OTOG: variants seen among roughly 807,000 people sequenced by gnomAD.
OTOG encodes otogelin.
OTOG carries 296 observed loss-of-function variants against 313.8 expected under a neutral mutation model. The observed-to-expected ratio is 0.94, with a 90% CI of 0.86 to 1.04. OTOG has a LOEUF of 1.04. OTOG is among the 50% of genes least tolerant of loss of function. OTOG has a pLI of 0.00. For synonymous variants in OTOG, 1,533 were observed against 1,554.9 expected, an observed-to-expected ratio of 0.99 and a Z score of 0.33; for missense variants, 3,948 against 3,840.1, an observed-to-expected ratio of 1.03 and a Z score of -0.74.
At chr11:17,579,831 C>T (rs1387457033) in intron 23 of OTOG, among the ~76,000 whole-genome samples, 12 of 152,146 alleles carry the variant, frequency 7.9e-5, no homozygotes, top group Admixed American at 7.9e-4. Context: ...GTGGAAGGGG[C>T]GCTGGACTGG....
chr11:17,599,609 T>A, intron 30 of OTOG, 62 bp from the exon 31 acceptor site: 1 of 1,533,848 alleles, frequency 6.5e-7, no homozygotes, highest in South Asian at 1.2e-5. Context: ...GAGCCTTGGC[T>A]CTGTCTGTCT....
intron 53 of OTOG, 22 bp downstream of exon 53, chr11:17,642,268 G>A (rs770626957): frequency 6.5e-7 from 1 of 1,540,910 alleles, no homozygotes; most frequent in Non-Finnish European, 8.8e-7. Flanking sequence ...CTTCTCCACT[G>A]AGGCTGTAGG....
rs1041280806 is a variant in OTOG, at chr11:17,634,836, G to C, written c.7481-8G>C. The stretch of plus-strand genomic sequence containing the variant: ...CGAGGTGACAGGCCCTGTGGTCCCC[G>C]GGGCCAGTGTGTAACCAGACTCTGT... On this transcript the variant is annotated splice_region_variant and splice_polypyrimidine_tract_variant and intron_variant, in intron 44 of 55. Transcript: ENST00000399397. 1.3e-6 allele frequency: 2 copies of C among 1,547,180 alleles called. No homozygotes were observed. The highest frequency in any genetic ancestry group is 1.2e-5 in the South Asian group (1 of 83,894).
In OTOG at chr11:17,569,234, G is replaced by C. The variant is rs1266983964; in HGVS notation, c.1723G>C (p.Ala575Pro). ...DPRRQVTLTQ[A>P]GDVLLFDQYK... is the part of the protein sequence containing the mutation. ...TCGGAGGCAGGTGACCCTGACCCAG[G>C]CAGGGGATGTCCTTCTGTTTGACCA... The change falls in exon 16 of 56, where the codon GCA (alanine) becomes CCA (proline). Residue 575 changes from alanine to proline, a missense_variant. Coordinates refer to ENST00000399397, the MANE Select transcript of OTOG (RefSeq NM_001292063.2). The C allele has an allele frequency of 6.4e-7, 1 of 1,550,576 alleles. No homozygotes were observed. Among genetic ancestry groups the C allele is most frequent in the Admixed American group, 2.0e-5 (1 of 51,002 alleles).
chr11:17,550,809 C>G (rs150138622), intron 3 of OTOG, among the ~76,000 whole-genome samples: 4 of 152,104 alleles, frequency 2.6e-5, no homozygotes, highest in African/African-American at 9.7e-5. Flanking sequence ...AAGGATTGCT[C>G]GGGAGAACCC....
Position 17,548,632 on chromosome 11 carries a change from G to T in OTOG, c.216+420G>T, listed in dbSNP as rs1851864247. 2.0e-5 allele frequency among the ~76,000 whole-genome samples: 3 copies of T among 151,924 alleles called. No individual in the cohort carries two copies. In the South Asian group the frequency reaches 6.3e-4, roughly 32 times the overall value. ...ATACCCTGAGCGGAGCCTCAAGAATGCAGGCAAGACAAAAACTAGGCCACC... is the reference window on the plus strand; with the variant it reads ...ATACCCTGAGCGGAGCCTCAAGAATTCAGGCAAGACAAAAACTAGGCCACC... On this transcript the variant is annotated intron_variant, in intron 3 of 55. Coordinates refer to ENST00000399397, the MANE Select transcript of OTOG (RefSeq NM_001292063.2).
At chr11:17,557,586 T>A (rs927847634) in intron 8 of OTOG, among the ~76,000 whole-genome samples, 4 of 152,094 alleles carry the variant, frequency 2.6e-5, no homozygotes, top group African/African-American at 9.7e-5. Flanking sequence ...TAATAGACAC[T>A]TTGCAGGTGG....
Position 17,547,314 on chromosome 11 carries a change from G to A in OTOG, c.-59G>A, listed in dbSNP as rs1463318249. Reference sequence around the variant, plus strand: ...TGGAGGTGTGACCCTGCCTTAGCCCGGGGAGGCACCTCGGGAGGCTGGCCC... The same window carrying A: ...TGGAGGTGTGACCCTGCCTTAGCCCAGGGAGGCACCTCGGGAGGCTGGCCC... On this transcript the variant is annotated 5_prime_UTR_variant, in exon 1 of 56. Transcript: ENST00000399397. 16 of 1,280,230 alleles carry A rather than the reference G, an allele frequency of 1.2e-5. No individual in the cohort carries two copies. The highest frequency in any genetic ancestry group is 3.7e-5 in the Admixed American group (1 of 26,682). The allele number at this position is 1,280,230 out of a possible 1,614,324, so 79.3% of individuals were successfully genotyped here. A position where few individuals can be genotyped will look rare whatever the true frequency, so the allele number is the denominator to read the frequency against.
chr11:17,632,458 T>C (rs558139460), intron 42 of OTOG, among the ~76,000 whole-genome samples: 2 of 152,236 alleles, frequency 1.3e-5, no homozygotes, highest in African/African-American at 2.4e-5. Context: ...ATGATTCATA[T>C]GAACATATTA....
Position 17,610,422 on chromosome 11 carries a change from C to G in OTOG, c.5122C>G (p.Pro1708Ala), listed in dbSNP as rs1343864768. Residue 1708 changes from proline to alanine, a missense_variant, in exon 36 of 56, where the codon CCT becomes GCT. By Grantham distance (27) the Pro-to-Ala change is conservative. Coordinates refer to ENST00000399397, the MANE Select transcript of OTOG (RefSeq NM_001292063.2). The part of the protein sequence containing the change: ...TVAGTAAEQV[P>A]VSPLATRSLE... ...GGCTGGAACAGCAGCAGAACAGGTT[C>G]CTGTCAGTCCCCTTGCAACCAGGAG... 6.4e-7 allele frequency: 1 copy of G among 1,550,556 alleles called. No individual in the cohort carries two copies. Among genetic ancestry groups the G allele is most frequent in the Non-Finnish European group, 8.7e-7 (1 of 1,146,948 alleles).
intron 12 of OTOG, 132 bp downstream of exon 12, chr11:17,559,794 G>A: frequency 3.0e-5 from 23 of 755,592 alleles, no homozygotes; most frequent in Middle Eastern, 2.9e-4. Context: ...GAGGGAGGAA[G>A]GAAAAAAAGA....
chr11:17,629,260 G>C lies in OTOG; in HGVS notation c.6656G>C (p.Gly2219Ala), dbSNP rs1167767883. The change falls in exon 40 of 56, where the codon GGA becomes GCA. Residue 2219 changes from glycine (G) to alanine (A), a missense_variant. Coordinates refer to ENST00000399397, the MANE Select transcript of OTOG (RefSeq NM_001292063.2). ...CAGATCCAGTGGCTCCACAGCTCAGGACTCATGATCGTGGAGGCCAGCAAA... is the reference window on the plus strand; with the variant it reads ...CAGATCCAGTGGCTCCACAGCTCAGCACTCATGATCGTGGAGGCCAGCAAA... Reference protein sequence around the residue: ...DIQIQWLHSSGLMIVEASKTS... With the variant: ...DIQIQWLHSSALMIVEASKTS... 1.3e-6 allele frequency: 2 copies of C among 1,550,482 alleles called. No individual in the cohort carries two copies. Among genetic ancestry groups the C allele is most frequent in the African/African-American group, 2.7e-5 (2 of 73,050 alleles).
At chr11:17,628,073 A>G (rs1854028069) in intron 39 of OTOG, among the ~76,000 whole-genome samples, 1 of 151,048 alleles carries the variant, frequency 6.6e-6, no homozygotes, top group South Asian at 2.1e-4. Flanking sequence ...TTCTGTTCTG[A>G]TCTTTATTAT....
rs568521688 is a variant in OTOG, at chr11:17,642,329, G to A, written c.8415+83G>A. On this transcript the variant is annotated intron_variant, in intron 53 of 55. Coordinates refer to ENST00000399397, the MANE Select transcript of OTOG (RefSeq NM_001292063.2). ...TGGTGGGGTGGAGGTCCTGTGTGCA[G>A]GAGTGCAGGAAGAAGGGCTCCCTGG... 6.2e-6 allele frequency: 9 copies of A among 1,450,122 alleles called. No individual in the cohort carries two copies. The East Asian group carries it at 2.3e-4, about 37-fold the overall frequency. The allele number at this position is 1,450,122 out of a possible 1,614,324, so 89.8% of individuals were successfully genotyped here.
intron 11 of OTOG, among the ~76,000 whole-genome samples, 186 bp downstream of exon 11, chr11:17,559,347 T>C (rs963908698): frequency 6.6e-6 from 1 of 152,200 alleles, no homozygotes; most frequent in African/African-American, 2.4e-5. Flanking sequence ...TGGGTGATTC[T>C]CAGAGCCTCC....
chr11:17,609,305 G>C, intron 35 of OTOG, 96 bp downstream of exon 35: 13 of 1,158,876 alleles, frequency 1.1e-5, no homozygotes, highest in Non-Finnish European at 1.6e-5. Flanking sequence ...AGGTCCCAGA[G>C]AAGCAAGATC....
rs1485154802 is a variant in OTOG, at chr11:17,558,650, T to C, written c.1103+6T>C. ...TGTACCAGTGATCTCTGCCAGTGAG[T>C]AGGGGTGGTGTGGGCTATGGGGAAC... On this transcript the variant is annotated splice_donor_region_variant and intron_variant, in intron 10 of 55. Coordinates refer to ENST00000399397, the MANE Select transcript of OTOG (RefSeq NM_001292063.2). 3.2e-6 allele frequency: 5 copies of C among 1,548,616 alleles called. No homozygotes were observed. Among genetic ancestry groups the C allele is most frequent in the Non-Finnish European group, 4.4e-6 (5 of 1,146,724 alleles).
rs1290517743 is a variant in OTOG at position 17,587,424 on chromosome 11, T to C, written c.2867+843T>C. Among the ~76,000 whole-genome samples the C allele has an allele frequency of 2.6e-5, 4 of 152,302 alleles. No homozygotes were observed. In the East Asian group the frequency reaches 7.7e-4, roughly 29 times the overall value. ...AGCAAACCCAGTCACTGTTCCAATT[T>C]GGAGAACCAGCTAGGGGTGGCCTGA... On this transcript the variant is annotated intron_variant, in intron 24 of 55. Coordinates refer to ENST00000399397, the MANE Select transcript of OTOG (RefSeq NM_001292063.2).
At position 17,639,466 on chromosome 11, in the gene OTOG, A is replaced by G. The variant is rs1249915388; in HGVS notation, c.7935+3A>G. ...TCCCGGTGCCCCGGTGCCATCTGGT[A>G]TGGAGACGCTCCTCCCCCAACACTC... On this transcript the variant is annotated splice_donor_region_variant and intron_variant, in intron 49 of 55. Transcript: ENST00000399397. 3.9e-6 allele frequency: 6 copies of G among 1,550,506 alleles called. No homozygotes were observed. Among genetic ancestry groups the G allele is most frequent in the Non-Finnish European group, 5.2e-6 (6 of 1,146,978 alleles).
Sources: allele counts gnomAD v4.1 joint callset (sites outside exome capture counted in the v4.1 genomes callset), GRCh38; gene constraint gnomAD v4.1.1; transcripts MANE v1.5; gene names NCBI Gene and HGNC (gene_info 2026-07-23, HGNC 2026-07-21).